ROBO2: variants seen among roughly 807,000 people sequenced by gnomAD.
ROBO2 encodes the protein roundabout guidance receptor 2, also known as roundabout homolog 2.
Under a neutral mutation model 160.8 loss-of-function variants are expected in ROBO2, and 53 were observed. The ratio of observed to expected loss-of-function variants is 0.33; its 90% CI spans 0.26 to 0.41. The LOEUF (loss-of-function observed/expected upper bound fraction) is 0.41, where lower values mean the gene tolerates loss of function less well. Among genes scored for constraint, ROBO2 ranks in the 10% least tolerant of loss-of-function variants. The pLI is 1.00. For missense variants in ROBO2, 1,577 were observed against 1,722.4 expected, an observed-to-expected ratio of 0.92 and a Z score of 1.49; for synonymous variants, 664 against 611.7, an observed-to-expected ratio of 1.09 and a Z score of -1.26.
intron 2 of ROBO2, among the ~76,000 whole-genome samples, chr3:76,842,721 G>A (rs548144789): frequency 6.6e-6 from 1 of 152,064 alleles, no homozygotes; most frequent in Admixed American, 6.6e-5. Context: ...TTTTATTTAT[G>A]TAATTTTCAC....
chr3:76,468,991 A>G (rs2078507612), intron 2 of ROBO2, among the ~76,000 whole-genome samples: 1 of 152,072 alleles, frequency 6.6e-6, no homozygotes, highest in Admixed American at 6.6e-5. Flanking sequence ...AGAACTCATC[A>G]TCATCTGCCC....
chr3:76,148,866 T>G (rs535326064), intron 2 of ROBO2, among the ~76,000 whole-genome samples: 4 of 152,240 alleles, frequency 2.6e-5, no homozygotes, highest in Admixed American at 6.5e-5. Flanking sequence ...GTGCTTGTCT[T>G]TCTTTTCACT....
At chr3:76,678,546 G>C (rs1436778042) in intron 2 of ROBO2, among the ~76,000 whole-genome samples, 1 of 152,164 alleles carries the variant, frequency 6.6e-6, no homozygotes, top group Non-Finnish European at 1.5e-5. Context: ...TGATCACAGA[G>C]ATACTTGTCT....
At chr3:76,541,495 T>C (rs994305278) in intron 2 of ROBO2, among the ~76,000 whole-genome samples, 1 of 152,222 alleles carries the variant, frequency 6.6e-6, no homozygotes, top group African/African-American at 2.4e-5. Context: ...ATTTCATGTG[T>C]GTGTGCCATG....
chr3:77,616,818 A>T (rs1249251295), intron 21 of ROBO2, among the ~76,000 whole-genome samples: 1 of 152,178 alleles, frequency 6.6e-6, no homozygotes. Flanking sequence ...TTTTAAAATA[A>T]TTGTCATATT....
chr3:75,979,562 G>GA (rs2065222982), intron 2 of ROBO2, among the ~76,000 whole-genome samples: 1 of 151,402 alleles, frequency 6.6e-6, no homozygotes, highest in African/African-American at 2.4e-5. Context: ...ATTCTCTTCT[G>GA]GCACATAATT....
chr3:77,225,678 T>A (rs1395837121), intron 2 of ROBO2, among the ~76,000 whole-genome samples: 3 of 152,020 alleles, frequency 2.0e-5, no homozygotes, highest in Admixed American at 6.6e-5. Context: ...TATGTGCTTC[T>A]AAATCAATTC....
intron 2 of ROBO2, among the ~76,000 whole-genome samples, chr3:76,407,571 G>A (rs1029321280): frequency 6.6e-6 from 1 of 151,902 alleles, no homozygotes. Flanking sequence ...TACTGCACAC[G>A]TTTCTGATGA....
chr3:76,045,174 C>A (rs2067409414), intron 2 of ROBO2, among the ~76,000 whole-genome samples: 1 of 151,880 alleles, frequency 6.6e-6, no homozygotes. Context: ...TATATAGTGC[C>A]CCCGTGTGGC....
In ROBO2 at chr3:76,981,160, G is replaced by T. The variant is rs563192915; in HGVS notation, c.110-116854G>T. Among the ~76,000 whole-genome samples the T allele has an allele frequency of 5.2e-4, 79 of 152,318 alleles. 1 individual carries two copies. Among genetic ancestry groups the T allele is most frequent in the African/African-American group, 1.7e-3 (72 of 41,582 alleles). On this transcript the variant is annotated intron_variant, in intron 2 of 26. Coordinates refer to the ROBO2 transcript ENST00000487694. ...TGTTGCTATAAACATTTATGTGCAAGATTTTGTGTAAACATATACTTTTAT... is the reference window on the plus strand; with the variant it reads ...TGTTGCTATAAACATTTATGTGCAATATTTTGTGTAAACATATACTTTTAT...
At chr3:76,594,092 A>G (rs2086592809) in intron 2 of ROBO2, among the ~76,000 whole-genome samples, 2 of 152,004 alleles carry the variant, frequency 1.3e-5, no homozygotes, top group Admixed American at 1.3e-4. Context: ...TGAATCCTTT[A>G]AGTTTAGAGT....
chr3:76,581,216 GT>G (rs1306564304), intron 2 of ROBO2, among the ~76,000 whole-genome samples: 5 of 152,092 alleles, frequency 3.3e-5, no homozygotes, highest in Non-Finnish European at 5.9e-5. Context: ...TATAGTATAA[GT>G]TTGTATTCAA....
At chr3:77,045,975 A>G (rs561164365) in intron 1 of ROBO2, among the ~76,000 whole-genome samples, 6 of 152,348 alleles carry the variant, frequency 3.9e-5, no homozygotes, top group African/African-American at 4.8e-5. Context: ...TTGCCAAACA[A>G]TATTCCTTAT....
intron 2 of ROBO2, among the ~76,000 whole-genome samples, chr3:76,339,993 C>T (rs1181204043): frequency 6.6e-6 from 1 of 151,136 alleles, no homozygotes; most frequent in African/African-American, 2.4e-5. Flanking sequence ...CTATAATCAT[C>T]GACTATTTAA....
At chr3:76,474,067 G>C (rs2078806260) in intron 2 of ROBO2, among the ~76,000 whole-genome samples, 1 of 152,150 alleles carries the variant, frequency 6.6e-6, no homozygotes, top group Non-Finnish European at 1.5e-5. Context: ...GAAGGTTATA[G>C]AGTAAGTTCC....
intron 2 of ROBO2, among the ~76,000 whole-genome samples, chr3:77,008,159 A>T (rs1329686210): frequency 6.6e-6 from 1 of 152,078 alleles, no homozygotes; most frequent in South Asian, 2.1e-4. Flanking sequence ...TACTCTACGA[A>T]TTGTTCCCCA....
intron 2 of ROBO2, among the ~76,000 whole-genome samples, chr3:76,841,834 G>A (rs1056423853): frequency 1.2e-4 from 19 of 152,260 alleles, no homozygotes; most frequent in African/African-American, 3.6e-4. Context: ...CAAATTTGTG[G>A]CTGGCAGCTA....
At chr3:77,426,683 A>C (rs1383810943) in intron 2 of ROBO2, among the ~76,000 whole-genome samples, 683 of 21,604 alleles carry the variant, frequency 0.032, 9 homozygotes, top group African/African-American at 0.18. Context: ...TTGGTCAGGA[A>C]GGAAGGAAGG....
chr3:76,783,124 C>T (rs2062757374), intron 2 of ROBO2, among the ~76,000 whole-genome samples: 1 of 150,824 alleles, frequency 6.6e-6, no homozygotes, highest in Non-Finnish European at 1.5e-5. Context: ...CTGATAACAA[C>T]TTAATTTTTG....
Sources: allele counts gnomAD v4.1 joint callset (sites outside exome capture counted in the v4.1 genomes callset), GRCh38; gene constraint gnomAD v4.1.1; transcripts MANE v1.5; gene names NCBI Gene and HGNC (gene_info 2026-07-23, HGNC 2026-07-21).